GRM7: variants seen among roughly 807,000 people sequenced by gnomAD.
The protein encoded by GRM7 is metabotropic glutamate receptor 7.
In GRM7, 35 loss-of-function variants were observed where a neutral mutation model predicts 84.5. That is an observed-to-expected ratio of 0.41 (90% confidence interval 0.32 to 0.55). The LOEUF (loss-of-function observed/expected upper bound fraction) is 0.55, where lower values mean the gene tolerates loss of function less well. GRM7 is among the 20% of genes least tolerant of loss of function. The pLI, the probability that GRM7 is intolerant of heterozygous loss-of-function variation, is 0.19. For synonymous variants in GRM7, 487 were observed against 455.1 expected (o/e 1.07, Z -0.89); for missense variants, 1,003 against 1,194.6 (o/e 0.84, Z 2.36).
chr3:7,176,580 G>C (rs1358341659), intron 2 of GRM7, among the ~76,000 whole-genome samples: 1 of 152,096 alleles, frequency 6.6e-6, no homozygotes, highest in Non-Finnish European at 1.5e-5. Context: ...TAAAGAGTTG[G>C]CATATATTAA....
At chr3:7,404,139 G>A (rs534858056) in intron 4 of GRM7, among the ~76,000 whole-genome samples, 1 of 152,156 alleles carries the variant, frequency 6.6e-6, no homozygotes, top group African/African-American at 2.4e-5. Context: ...GGTGTAAACT[G>A]TTGTAAACAT....
intron 7 of GRM7, among the ~76,000 whole-genome samples, chr3:7,503,200 G>A (rs1021650709): frequency 2.0e-5 from 3 of 152,006 alleles, no homozygotes; most frequent in African/African-American, 7.3e-5. Context: ...ATGTTCTAAA[G>A]GATTTCAAAA....
chr3:6,864,280 T>C (rs1694867102), intron 1 of GRM7, among the ~76,000 whole-genome samples: 1 of 152,202 alleles, frequency 6.6e-6, no homozygotes, highest in African/African-American at 2.4e-5. Context: ...GCAAGCTAGA[T>C]AAAACAGTTG....
At chr3:7,317,725 T>C (rs1186417943) in intron 4 of GRM7, among the ~76,000 whole-genome samples, 1 of 151,952 alleles carries the variant, frequency 6.6e-6, no homozygotes, top group Admixed American at 6.6e-5. Context: ...TAAGAGGTTA[T>C]TGAGAATGTT....
At chr3:7,381,915 C>A (rs897766095) in intron 4 of GRM7, among the ~76,000 whole-genome samples, 2 of 152,166 alleles carry the variant, frequency 1.3e-5, no homozygotes, top group African/African-American at 4.8e-5. Flanking sequence ...CAAACACTCT[C>A]ACACACCACA....
intron 2 of GRM7, among the ~76,000 whole-genome samples, chr3:7,208,664 G>T (rs191954815): frequency 6.6e-6 from 1 of 152,204 alleles, no homozygotes; most frequent in African/African-American, 2.4e-5. Context: ...TCCTGTGGGG[G>T]TTCAGACCAT....
chr3:7,289,946 A>G (rs1213553405), intron 2 of GRM7, among the ~76,000 whole-genome samples: 2 of 152,232 alleles, frequency 1.3e-5, no homozygotes, highest in East Asian at 3.9e-4. Context: ...AACATGGCAC[A>G]TGTATACATA....
At chr3:7,684,145 T>C (rs763002875) in intron 9 of GRM7, among the ~76,000 whole-genome samples, 1 of 152,238 alleles carries the variant, frequency 6.6e-6, no homozygotes, top group Non-Finnish European at 1.5e-5. Context: ...ATGACTATGC[T>C]ATACTAGGTA....
At chr3:6,912,618 T>G (rs566530875) in intron 1 of GRM7, among the ~76,000 whole-genome samples, 37 of 152,326 alleles carry the variant, frequency 2.4e-4, no homozygotes, top group South Asian at 6.2e-4. Flanking sequence ...GTTAGGAAGC[T>G]TTAACTTCAA....
chr3:7,058,448 A>C (rs543371684), intron 1 of GRM7, among the ~76,000 whole-genome samples: 3 of 152,018 alleles, frequency 2.0e-5, no homozygotes, highest in African/African-American at 7.2e-5. Flanking sequence ...ACAGAGAGGA[A>C]CAAATTACTT....
chr3:7,294,178 G>A (rs552269759), intron 2 of GRM7, among the ~76,000 whole-genome samples: 1 of 152,248 alleles, frequency 6.6e-6, no homozygotes, highest in Admixed American at 6.5e-5. Flanking sequence ...CACCGGGTGA[G>A]CCCTCAATCC....
At position 7,378,033 on chromosome 3, in the gene GRM7, C is replaced by A. The variant is rs115140913; in HGVS notation, c.1034-36990C>A. Reference sequence around the variant, plus strand: ...CCCCGCTAGGAAGTCTCCCTGACCCCATCCCAATTCATGTAGTTTTATTGG... The same window carrying A: ...CCCCGCTAGGAAGTCTCCCTGACCCAATCCCAATTCATGTAGTTTTATTGG... On this transcript the variant is annotated intron_variant, in intron 4 of 9. Coordinates refer to ENST00000357716, the MANE Select transcript of GRM7 (RefSeq NM_000844.4). Among the ~76,000 whole-genome samples the A allele has an allele frequency of 9.7e-3, 1,479 of 152,264 alleles. 15 individuals carry two copies. Among genetic ancestry groups the A allele is most frequent in the Admixed American group, 0.027 (416 of 15,286 alleles).
At chr3:6,877,522 C>A (rs1024471443) in intron 1 of GRM7, among the ~76,000 whole-genome samples, 3 of 152,156 alleles carry the variant, frequency 2.0e-5, no homozygotes, top group Non-Finnish European at 2.9e-5. Flanking sequence ...CAAGCAAGGG[C>A]CTTCTCATCT....
At chr3:7,738,019 A>G (rs1180772755) in intron 9 of GRM7, among the ~76,000 whole-genome samples, 1 of 151,566 alleles carries the variant, frequency 6.6e-6, no homozygotes, top group East Asian at 1.9e-4. Context: ...GGCTAATTTT[A>G]TGTATATTTA....
intron 7 of GRM7, chr3:7,559,126 C>G (rs1388353491): frequency 7.2e-6 from 1 of 138,196 alleles, no homozygotes; most frequent in Non-Finnish European, 1.5e-5. Context: ...CATATATTAA[C>G]AGTCGCTTTT....
intron 4 of GRM7, among the ~76,000 whole-genome samples, chr3:7,321,872 A>G (rs1316796965): frequency 6.6e-6 from 1 of 152,068 alleles, no homozygotes; most frequent in Non-Finnish European, 1.5e-5. Context: ...GATTATTTCA[A>G]CTATCGACAT....
intron 1 of GRM7, among the ~76,000 whole-genome samples, chr3:6,922,185 A>C (rs1398200633): frequency 6.6e-6 from 1 of 152,222 alleles, no homozygotes; most frequent in East Asian, 1.9e-4. Flanking sequence ...CCATGCTTTT[A>C]ACCTATCATA....
intron 2 of GRM7, among the ~76,000 whole-genome samples, chr3:7,229,762 T>TTTATATATATATATATA (rs1697125404): frequency 1.5e-5 from 1 of 67,682 alleles, no homozygotes; most frequent in Non-Finnish European, 3.1e-5. Flanking sequence ...TATATATATT[T>TTTATATATATATATATA]TTTTTTTTTT....
At chr3:6,959,988 C>T (rs1224848806) in intron 1 of GRM7, among the ~76,000 whole-genome samples, 1 of 152,120 alleles carries the variant, frequency 6.6e-6, no homozygotes, top group East Asian at 1.9e-4. Context: ...TGGAGGAGGT[C>T]AGACTAATAG....
Sources: gnomAD v4.1 joint callset for allele counts (sites outside exome capture counted in the v4.1 genomes callset) on GRCh38, gnomAD v4.1.1 for gene constraint, MANE v1.5 for transcripts, NCBI Gene and HGNC (gene_info 2026-07-23, HGNC 2026-07-21) for gene names.